The following LOC128125817 variants were observed in gnomAD, a reference collection of about 807,000 sequenced individuals.
chr1:41,599,673 GT>G, the LOC128125817 span, among the ~76,000 whole-genome samples: 1 of 152,166 alleles, frequency 6.6e-6, no homozygotes, highest in East Asian at 1.9e-4. Context: ...GGATTTGGCA[GT>G]AACTTCTTAG....
the LOC128125817 span, among the ~76,000 whole-genome samples, chr1:41,626,946 C>A: frequency 6.6e-6 from 1 of 152,210 alleles, no homozygotes; most frequent in African/African-American, 2.4e-5. Flanking sequence ...AACTACTGAA[C>A]CTCTCTGTGC....
At chr1:41,598,706 G>A in the LOC128125817 span, among the ~76,000 whole-genome samples, 2 of 152,260 alleles carry the variant, frequency 1.3e-5, no homozygotes, top group South Asian at 2.1e-4. Flanking sequence ...ATAAGCTACA[G>A]TAATCAAGAC....
the LOC128125817 span, among the ~76,000 whole-genome samples, chr1:41,588,872 C>T: frequency 2.0e-5 from 3 of 151,870 alleles, no homozygotes; most frequent in Non-Finnish European, 4.4e-5. Flanking sequence ...CTCTACCACA[C>T]CATGACAGGT....
At chr1:41,595,470 A>G in the LOC128125817 span, among the ~76,000 whole-genome samples, 2 of 152,168 alleles carry the variant, frequency 1.3e-5, no homozygotes, top group Admixed American at 1.3e-4. Flanking sequence ...CATGCCGAGA[A>G]AGGAGTCTGG....
At chr1:41,598,695 T>C in the LOC128125817 span, among the ~76,000 whole-genome samples, 2 of 152,174 alleles carry the variant, frequency 1.3e-5, no homozygotes, top group African/African-American at 4.8e-5. Flanking sequence ...TAGGCCTTAC[T>C]ATAAGCTACA....
the LOC128125817 span, among the ~76,000 whole-genome samples, chr1:41,621,181 T>C: frequency 6.6e-6 from 1 of 152,328 alleles, no homozygotes; most frequent in African/African-American, 2.4e-5. Flanking sequence ...GGTGCACCCA[T>C]AGCCATGGTG....
the LOC128125817 span, among the ~76,000 whole-genome samples, chr1:41,616,094 C>G: frequency 6.6e-6 from 1 of 152,086 alleles, no homozygotes. Context: ...ACCTCTCCCT[C>G]CACTCCCAAA....
chr1:41,618,088 G>A, the LOC128125817 span, among the ~76,000 whole-genome samples: 15 of 152,216 alleles, frequency 9.9e-5, no homozygotes, highest in Non-Finnish European at 1.9e-4. Flanking sequence ...GCAGCCAAGA[G>A]AGGAAACTTA....
At chr1:41,596,013 CA>C in the LOC128125817 span, among the ~76,000 whole-genome samples, 1 of 151,876 alleles carries the variant, frequency 6.6e-6, no homozygotes, top group East Asian at 1.9e-4. Flanking sequence ...ATACAAGGTT[CA>C]ATGTACGCAA....
chr1:41,590,767 C>A, the LOC128125817 span, among the ~76,000 whole-genome samples: 333 of 152,282 alleles, frequency 2.2e-3, no homozygotes, highest in African/African-American at 7.6e-3. Context: ...CAACACAGAT[C>A]AGGGTTTAGT....
the LOC128125817 span, among the ~76,000 whole-genome samples, chr1:41,600,293 A>G: frequency 1.3e-5 from 2 of 152,218 alleles, no homozygotes; most frequent in Admixed American, 1.3e-4. Flanking sequence ...ATGATTTACA[A>G]CAGCCAAAGG....
chr1:41,600,435 C>T, the LOC128125817 span, among the ~76,000 whole-genome samples: 1 of 152,114 alleles, frequency 6.6e-6, no homozygotes, highest in African/African-American at 2.4e-5. Context: ...TGACATTATG[C>T]TAAGTAAGAT....
chr1:41,590,106 A>G, the LOC128125817 span, among the ~76,000 whole-genome samples: 1 of 152,208 alleles, frequency 6.6e-6, no homozygotes, highest in Non-Finnish European at 1.5e-5. Context: ...TTCACTTGCA[A>G]AAAAATACTA....
At chr1:41,612,644 T>C in the LOC128125817 span, among the ~76,000 whole-genome samples, 1 of 152,194 alleles carries the variant, frequency 6.6e-6, no homozygotes, top group African/African-American at 2.4e-5. Context: ...GTTCCCTGAG[T>C]CCTGCCTAGG....
At chr1:41,619,985 G>T in the LOC128125817 span, among the ~76,000 whole-genome samples, 1 of 152,164 alleles carries the variant, frequency 6.6e-6, no homozygotes, top group Non-Finnish European at 1.5e-5. Flanking sequence ...GCTCTCTAGT[G>T]GGTGACTCAC....
At chr1:41,628,635 T>C in the LOC128125817 span, 1 of 851,368 alleles carries the variant, frequency 1.2e-6, no homozygotes, top group Non-Finnish European at 1.6e-6. Context: ...AAGGCAACGA[T>C]AACACTAATA....
chr1:41,586,486 T>C, the LOC128125817 span, among the ~76,000 whole-genome samples: 1 of 152,224 alleles, frequency 6.6e-6, no homozygotes, highest in East Asian at 1.9e-4. Flanking sequence ...TCCCCTGGCA[T>C]CCCTTGGCGA....
At chr1:41,626,392 C>T in the LOC128125817 span, among the ~76,000 whole-genome samples, 1 of 152,166 alleles carries the variant, frequency 6.6e-6, no homozygotes, top group Non-Finnish European at 1.5e-5. Flanking sequence ...CCAGGTTTCT[C>T]GCTGGAACTG....
the LOC128125817 span, among the ~76,000 whole-genome samples, chr1:41,593,911 A>G: frequency 1.3e-5 from 2 of 152,158 alleles, no homozygotes; most frequent in African/African-American, 4.8e-5. Flanking sequence ...CCCAACTTCT[A>G]GAGGGTACCT....
Sources: allele counts gnomAD v4.1 joint callset (sites outside exome capture counted in the v4.1 genomes callset), GRCh38; gene constraint gnomAD v4.1.1; transcripts MANE v1.5.